The following LARGE1 variants were observed in gnomAD, a reference collection of about 807,000 sequenced individuals.
LARGE1 encodes xylosyl- and glucuronyltransferase LARGE1.
A neutral mutation model predicts 87.6 loss-of-function variants in LARGE1; 43 were observed. The ratio of observed to expected loss-of-function variants is 0.49; its 90% CI spans 0.38 to 0.63. LARGE1 has a LOEUF of 0.63. LARGE1 is among the 30% of genes least tolerant of loss of function. The probability of loss-of-function intolerance (pLI) is 0.00; values close to 1 mark genes in which losing one functional copy is unlikely to be tolerated. For missense variants in LARGE1, 802 were observed against 1,000.2 expected, an observed-to-expected ratio of 0.80 and a Z score of 2.67; for synonymous variants, 434 against 394.6, an observed-to-expected ratio of 1.10 and a Z score of -1.18.
At chr22:33,284,464 C>T (rs916421652) in intron 12 of LARGE1, among the ~76,000 whole-genome samples, 9 of 152,144 alleles carry the variant, frequency 5.9e-5, no homozygotes, top group African/African-American at 1.4e-4. Context: ...CTCCGAGACC[C>T]GATCCTGCAC....
chr22:33,796,946 G>T (rs1888693835), intron 1 of LARGE1, among the ~76,000 whole-genome samples: 1 of 151,934 alleles, frequency 6.6e-6, no homozygotes, highest in African/African-American at 2.4e-5. Context: ...TGCATTGTTA[G>T]TAGAGACAAG....
intron 1 of LARGE1, among the ~76,000 whole-genome samples, chr22:33,778,876 C>G (rs1238288664): frequency 6.6e-6 from 1 of 152,178 alleles, no homozygotes; most frequent in Non-Finnish European, 1.5e-5. Flanking sequence ...GTCTCGAACT[C>G]TCGACCTCAG....
At chr22:33,833,702 T>C (rs2063035793) in intron 1 of LARGE1, among the ~76,000 whole-genome samples, 1 of 152,198 alleles carries the variant, frequency 6.6e-6, no homozygotes, top group Admixed American at 6.5e-5. Flanking sequence ...ATTTTTGTTT[T>C]TGCAGATGGA....
chr22:33,275,506 T>C (rs769074418), intron 14 of LARGE1, among the ~76,000 whole-genome samples: 3 of 152,058 alleles, frequency 2.0e-5, no homozygotes, highest in Non-Finnish European at 4.4e-5. Context: ...CAGTTGCTGG[T>C]GAGGAATGAG....
At chr22:33,798,720 G>GT (rs1425928477) in intron 1 of LARGE1, among the ~76,000 whole-genome samples, 2 of 152,138 alleles carry the variant, frequency 1.3e-5, no homozygotes, top group Non-Finnish European at 2.9e-5. Context: ...TTGACACACT[G>GT]GAAGAATATG....
chr22:33,173,379 T>C (rs922335986), intron 11 of LARGE1, among the ~76,000 whole-genome samples: 1 of 152,044 alleles, frequency 6.6e-6, no homozygotes, highest in Non-Finnish European at 1.5e-5. Context: ...CAATAAACGG[T>C]ACCAGCCACT....
At chr22:33,265,075 T>C (rs542807321) in intron 11 of LARGE1, among the ~76,000 whole-genome samples, 20 of 151,902 alleles carry the variant, frequency 1.3e-4, no homozygotes, top group Non-Finnish European at 2.8e-4. Context: ...TAATTTTTTT[T>C]ATTTTTAGTA....
the LARGE1 span, among the ~76,000 whole-genome samples, chr22:33,147,988 A>T: frequency 6.6e-6 from 1 of 152,186 alleles, no homozygotes; most frequent in Non-Finnish European, 1.5e-5. Flanking sequence ...TAATCCTTTA[A>T]GAGGTAAATG....
At chr22:33,621,647 G>T (rs2079758466) in intron 4 of LARGE1, among the ~76,000 whole-genome samples, 1 of 152,134 alleles carries the variant, frequency 6.6e-6, no homozygotes, top group South Asian at 2.1e-4. Flanking sequence ...CCCATAATGT[G>T]CTTGGGAAGC....
intron 6 of LARGE1, among the ~76,000 whole-genome samples, chr22:33,546,623 C>T (rs2077367401): frequency 6.6e-6 from 1 of 152,140 alleles, no homozygotes; most frequent in Non-Finnish European, 1.5e-5. Context: ...CTCACTCTGT[C>T]ACCCAGGCGG....
intron 6 of LARGE1, among the ~76,000 whole-genome samples, chr22:33,499,612 T>C (rs1026047910): frequency 6.6e-6 from 1 of 152,192 alleles, no homozygotes; most frequent in Non-Finnish European, 1.5e-5. Flanking sequence ...CTCTGTTTTT[T>C]CAGTTAAATG....
intron 11 of LARGE1, among the ~76,000 whole-genome samples, chr22:33,188,981 G>A (rs773361247): frequency 6.6e-6 from 1 of 152,100 alleles, no homozygotes; most frequent in African/African-American, 2.4e-5. Context: ...TTCAGTGATC[G>A]TGGACACAAG....
At chr22:33,812,003 G>C (rs2086512063) in intron 1 of LARGE1, among the ~76,000 whole-genome samples, 1 of 152,142 alleles carries the variant, frequency 6.6e-6, no homozygotes, top group African/African-American at 2.4e-5. Context: ...GGGGAAATTG[G>C]CTACAGAAAG....
At chr22:33,254,241 T>A (rs1242067613) in intron 11 of LARGE1, among the ~76,000 whole-genome samples, 1 of 152,140 alleles carries the variant, frequency 6.6e-6, no homozygotes, top group Non-Finnish European at 1.5e-5. Context: ...GGAGGTGGGC[T>A]AACTAGAAAT....
chr22:33,450,629 A>G (rs796449750), intron 6 of LARGE1, among the ~76,000 whole-genome samples: 5 of 70,224 alleles, frequency 7.1e-5, no homozygotes, highest in African/African-American at 1.6e-4. Flanking sequence ...ATAAATAAAT[A>G]AATAAATAAA....
At chr22:33,748,089 G>C (rs1330439383) in intron 2 of LARGE1, among the ~76,000 whole-genome samples, 2 of 112,330 alleles carry the variant, frequency 1.8e-5, no homozygotes, top group Non-Finnish European at 1.8e-5. Flanking sequence ...ACCCCAGAAA[G>C]AAGGAATCTT....
intron 1 of LARGE1, among the ~76,000 whole-genome samples, chr22:33,820,639 G>A (rs528103644): frequency 2.0e-5 from 3 of 152,200 alleles, no homozygotes; most frequent in East Asian, 1.9e-4. Flanking sequence ...TCATTTTAAA[G>A]TGTTGGAGCT....
rs185602911 is a variant in LARGE1, at chr22:33,492,691, C to T, written c.788-60426G>A. 8.5e-5 allele frequency among the ~76,000 whole-genome samples: 13 copies of T among 152,234 alleles called. No individual in the cohort carries two copies. In the East Asian group the frequency reaches 1.5e-3, roughly 18 times the overall value. ...CAGCCCAAATTAGCCTGCCAATGAG[C>T]GAGTGATTTCTTTGAAGTCTCAATT... On this transcript the variant is annotated intron_variant, in intron 6 of 14. Coordinates refer to ENST00000397394, the MANE Select transcript of LARGE1 (RefSeq NM_133642.5).
At chr22:33,405,901 T>G (rs985762479) in intron 7 of LARGE1, among the ~76,000 whole-genome samples, 2 of 152,164 alleles carry the variant, frequency 1.3e-5, no homozygotes, top group Non-Finnish European at 2.9e-5. Flanking sequence ...TTACGTTAAC[T>G]CATTAGAATA....
Sources: allele counts gnomAD v4.1 joint callset (sites outside exome capture counted in the v4.1 genomes callset), GRCh38; gene constraint gnomAD v4.1.1; transcripts MANE v1.5; gene names NCBI Gene and HGNC (gene_info 2026-07-23, HGNC 2026-07-21).